The following MGLL variants were observed in gnomAD, a reference collection of about 807,000 sequenced individuals.
The protein encoded by MGLL is monoglyceride lipase, also known as lysophospholipase homolog.
In MGLL, 7 loss-of-function variants were observed where a neutral mutation model predicts 29.1. The ratio of observed to expected loss-of-function variants is 0.24; its 90% CI spans 0.14 to 0.45. The LOEUF (loss-of-function observed/expected upper bound fraction) is 0.45. MGLL is among the 20% of genes least tolerant of loss of function. MGLL has a pLI of 0.99. For synonymous variants in MGLL, 148 were observed against 168.3 expected (o/e 0.88, Z 0.93); for missense variants, 356 against 413.6 (o/e 0.86, Z 1.21).
At chr3:127,732,102 C>G (rs560455212) in intron 3 of MGLL, among the ~76,000 whole-genome samples, 2 of 151,840 alleles carry the variant, frequency 1.3e-5, no homozygotes, top group Non-Finnish European at 2.9e-5. Context: ...GCCAGCCTCC[C>G]CCTTCCCTTT....
intron 3 of MGLL, among the ~76,000 whole-genome samples, chr3:127,739,529 T>C (rs2107652941): frequency 6.6e-6 from 1 of 152,242 alleles, no homozygotes; most frequent in Non-Finnish European, 1.5e-5. Flanking sequence ...CCACTGTGGA[T>C]AGAAAAAGCT....
intron 5 of MGLL, among the ~76,000 whole-genome samples, chr3:127,719,823 C>T (rs1366176974): frequency 6.6e-6 from 1 of 152,178 alleles, no homozygotes; most frequent in Non-Finnish European, 1.5e-5. Flanking sequence ...TTCAGTAAGT[C>T]CGTGATTTCC....
Position 127,692,122 on chromosome 3 carries a change from C to T in MGLL, c.*76G>A. The T allele has an allele frequency of 1.2e-6, 1 of 828,480 alleles. No individual in the cohort carries two copies. Among genetic ancestry groups the T allele is most frequent in the African/African-American group, 2.1e-5 (1 of 47,004 alleles). 51.3% of individuals were successfully genotyped at this position (828,480 alleles called of 1,614,324 possible). ...TTTTTTTTTTTTTTTTTTTGGCAAG[C>T]CATATCTGAGAAGCCATCTCTGCCC... On this transcript the variant is annotated 3_prime_UTR_variant, in exon 8 of 8. Coordinates refer to ENST00000265052, the MANE Select transcript of MGLL (RefSeq NM_007283.7).
intron 3 of MGLL, chr3:127,736,240 C>CT: frequency 2.1e-6 from 2 of 957,630 alleles, no homozygotes; most frequent in Non-Finnish European, 2.5e-6. Flanking sequence ...AAGCAAATTG[C>CT]TTTAAAAAAA....
chr3:127,769,734 C>T (rs2107692485), intron 3 of MGLL, among the ~76,000 whole-genome samples: 1 of 152,346 alleles, frequency 6.6e-6, no homozygotes, highest in Middle Eastern at 3.4e-3. Context: ...TTCCCCAGTG[C>T]CCAGACAGTG....
Position 127,689,536 on chromosome 3 carries a change from C to T in MGLL, c.*2662G>A, listed in dbSNP as rs906959164. The T allele has an allele frequency of 2.6e-5, 4 of 152,342 alleles. No homozygotes were observed. Among genetic ancestry groups the T allele is most frequent in the South Asian group, 2.1e-4 (1 of 4,824 alleles). 9.4% of individuals were successfully genotyped at this position (152,342 alleles called of 1,614,324 possible). On this transcript the variant is annotated 3_prime_UTR_variant, in exon 8 of 8. Transcript: ENST00000265052. Reference sequence around the variant, plus strand: ...TTCTGTATGGACTGGGCTGTGTTGACGGTGGTGCTTGGGCCTTGTGTGCCA... The same window carrying T: ...TTCTGTATGGACTGGGCTGTGTTGATGGTGGTGCTTGGGCCTTGTGTGCCA...
chr3:127,732,183 G>A (rs763977952), intron 3 of MGLL, among the ~76,000 whole-genome samples: 7 of 152,318 alleles, frequency 4.6e-5, no homozygotes, highest in East Asian at 3.9e-4. Context: ...ATAGCTTTGC[G>A]TAAGGAAAGT....
intron 3 of MGLL, among the ~76,000 whole-genome samples, chr3:127,758,097 A>G (rs1217861326): frequency 1.3e-5 from 2 of 152,070 alleles, no homozygotes; most frequent in African/African-American, 4.8e-5. Flanking sequence ...TTCATGAGTC[A>G]GGCACCCTCC....
chr3:127,818,402 AT>A (rs2077798099), intron 2 of MGLL, among the ~76,000 whole-genome samples: 1 of 149,590 alleles, frequency 6.7e-6, no homozygotes, highest in Non-Finnish European at 1.5e-5. Context: ...AAGAGACAGA[AT>A]TTCAACACGT....
At chr3:127,785,193 C>G (rs548765455) in intron 2 of MGLL, among the ~76,000 whole-genome samples, 5 of 152,276 alleles carry the variant, frequency 3.3e-5, no homozygotes, top group South Asian at 2.1e-4. Flanking sequence ...GACCTTCCCC[C>G]CTCCTTCCCC....
intron 3 of MGLL, among the ~76,000 whole-genome samples, chr3:127,730,446 G>A (rs181190556): frequency 2.0e-5 from 3 of 152,320 alleles, no homozygotes; most frequent in South Asian, 4.1e-4. Flanking sequence ...ATACGCACAC[G>A]TTCCTGCCCT....
intron 4 of MGLL, among the ~76,000 whole-genome samples, chr3:127,722,062 G>T (rs748365332): frequency 1.3e-5 from 2 of 152,222 alleles, no homozygotes; most frequent in African/African-American, 4.8e-5. Context: ...GTTCAATTCT[G>T]AAACAAGCAC....
At position 127,714,547 on chromosome 3, in the gene MGLL, C is replaced by T. The variant is rs150785755; in HGVS notation, c.511-3882G>A. Among the ~76,000 whole-genome samples, 645 of 152,304 alleles carry T rather than the reference C, an allele frequency of 4.2e-3. 4 individuals are homozygous for T. Among genetic ancestry groups the T allele is most frequent in the African/African-American group, 0.015 (610 of 41,576 alleles). ...TCCCGGCGACAATAACTGGTTGTTC[C>T]ATCACGAATGTAGATGGAGGAACAC... On this transcript the variant is annotated intron_variant, in intron 5 of 7. Coordinates refer to ENST00000265052, the MANE Select transcript of MGLL (RefSeq NM_007283.7).
In MGLL at chr3:127,761,580, CGT is replaced by C. The variant is rs1559952541; in HGVS notation, c.262+20207_262+20208del. Among the ~76,000 whole-genome samples the C allele has an allele frequency of 6.6e-6, 1 of 152,216 alleles. No individual in the cohort carries two copies. Among genetic ancestry groups the C allele is most frequent in the African/African-American group, 2.4e-5 (1 of 41,448 alleles). On this transcript the variant is annotated intron_variant, in intron 3 of 7. Coordinates refer to ENST00000265052, the MANE Select transcript of MGLL (RefSeq NM_007283.7). This position sits in a 1 kb window ranked among gnomAD's most constrained non-coding sequence, Gnocchi z 4.6. ...CAAGTGCCTTCTGTGTGTGTGTCCACGTGTTCCCCTAAGCGACTGGGCTACAC... is the reference window on the plus strand; with the variant it reads ...CAAGTGCCTTCTGTGTGTGTGTCCACGTTCCCCTAAGCGACTGGGCTACAC...
intron 2 of MGLL, among the ~76,000 whole-genome samples, chr3:127,793,902 T>G (rs1010995041): frequency 1.3e-5 from 2 of 152,226 alleles, no homozygotes; most frequent in African/African-American, 2.4e-5. Context: ...GGAAATTTTC[T>G]AAATATCTTG....
chr3:127,693,447 C>G (rs945218000), intron 7 of MGLL, among the ~76,000 whole-genome samples: 1 of 152,216 alleles, frequency 6.6e-6, no homozygotes, highest in Non-Finnish European at 1.5e-5. Flanking sequence ...GGTGGTGGGG[C>G]TCCCCTGCCC....
In MGLL at chr3:127,689,253, G is replaced by C. The variant is rs1304251149; in HGVS notation, c.*2945C>G. ...CCAACAAGGTCTATGTTAGCAATTG[G>C]TGAAAGAAGAAGAGAGTGAGATGGG... On this transcript the variant is annotated 3_prime_UTR_variant, in exon 8 of 8. Coordinates refer to ENST00000265052, the MANE Select transcript of MGLL (RefSeq NM_007283.7). 1.3e-5 allele frequency: 2 copies of C among 152,230 alleles called. No individual in the cohort carries two copies. The highest frequency in any genetic ancestry group is 2.9e-5 in the Non-Finnish European group (2 of 68,046). 9.4% of individuals were successfully genotyped at this position (152,230 alleles called of 1,614,324 possible). A position where few individuals can be genotyped will look rare whatever the true frequency, so the allele number is the denominator to read the frequency against.
chr3:127,727,704 T>TAAAAAA (rs1177079179), intron 3 of MGLL, among the ~76,000 whole-genome samples: 4 of 80,712 alleles, frequency 5.0e-5, no homozygotes, highest in Non-Finnish European at 9.1e-5. Flanking sequence ...AGAGCAAGGC[T>TAAAAAA]AAAAAAAAAA....
At chr3:127,816,690 C>G (rs1234438938) in intron 2 of MGLL, among the ~76,000 whole-genome samples, 3 of 152,202 alleles carry the variant, frequency 2.0e-5, no homozygotes, top group African/African-American at 7.2e-5. Context: ...TGGCACTGCC[C>G]ATTGCTGTAG....
Sources: allele counts gnomAD v4.1 joint callset (sites outside exome capture counted in the v4.1 genomes callset), GRCh38; gene constraint gnomAD v4.1.1; non-coding constraint Gnocchi (gnomAD v3.1); transcripts MANE v1.5; gene names NCBI Gene and HGNC (gene_info 2026-07-23, HGNC 2026-07-21).